The following SH3BGR variants were observed in gnomAD, a reference collection of about 807,000 sequenced individuals.
SH3BGR encodes SH3 domain binding glutamate rich protein.
Under a neutral mutation model 24.5 loss-of-function variants are expected in SH3BGR, and 29 were observed. The ratio of observed to expected loss-of-function variants is 1.18; its 90% CI spans 0.88 to 1.61. SH3BGR has a LOEUF of 1.61. Ranked by LOEUF, SH3BGR falls within the 40% of genes most tolerant of loss-of-function variation. The pLI, the probability that SH3BGR is intolerant of heterozygous loss-of-function variation, is 0.00. For synonymous variants in SH3BGR, 55 were observed against 65.7 expected, an observed-to-expected ratio of 0.84 and a Z score of 0.79; for missense variants, 162 against 205.8, an observed-to-expected ratio of 0.79 and a Z score of 1.30.
chr21:39,477,058 T>A (rs1223572532), intron 3 of SH3BGR, among the ~76,000 whole-genome samples: 1 of 152,208 alleles, frequency 6.6e-6, no homozygotes, highest in Non-Finnish European at 1.5e-5. Flanking sequence ...TTCCTTTTTT[T>A]ATAGCATTAG....
intron 3 of SH3BGR, among the ~76,000 whole-genome samples, chr21:39,493,329 C>T (rs2078336386): frequency 6.6e-6 from 1 of 152,192 alleles, no homozygotes; most frequent in African/African-American, 2.4e-5. Flanking sequence ...CATTCTCCTA[C>T]ATGTGGCTTG....
chr21:39,511,906 A>C lies in SH3BGR; in HGVS notation c.*34+97A>C. 2 of 1,145,076 alleles carry C rather than the reference A, an allele frequency of 1.7e-6. No homozygotes were observed. Among genetic ancestry groups the C allele is most frequent in the Non-Finnish European group, 2.4e-6 (2 of 836,864 alleles). 70.9% of individuals were successfully genotyped at this position (1,145,076 alleles called of 1,614,324 possible). Reference sequence around the variant, plus strand: ...TAGTAACAGGAGAAAGGGAATTCCAATTCAGGGCTGTCTGTCTCCTTCCAA... The same window carrying C: ...TAGTAACAGGAGAAAGGGAATTCCACTTCAGGGCTGTCTGTCTCCTTCCAA... On this transcript the variant is annotated intron_variant, in intron 6 of 6. Coordinates refer to ENST00000333634, the MANE Select transcript of SH3BGR (RefSeq NM_007341.3). This position sits in a 1 kb window ranked among gnomAD's most constrained non-coding sequence, Gnocchi z 4.2.
intron 4 of SH3BGR, among the ~76,000 whole-genome samples, chr21:39,505,054 C>T (rs2078559849): frequency 6.6e-6 from 1 of 152,174 alleles, no homozygotes; most frequent in African/African-American, 2.4e-5. Context: ...CTCAAGTGAT[C>T]CTCCCTCCTC....
chr21:39,499,113 A>G (rs8133292), intron 3 of SH3BGR, among the ~76,000 whole-genome samples: 79,290 of 151,922 alleles, frequency 0.52, 21,143 homozygotes, highest in East Asian at 0.68. Flanking sequence ...GGAGGAAACC[A>G]CCCCATGATT....
In SH3BGR at chr21:39,505,851, G is replaced by GC. The variant is rs1193613066; in HGVS notation, c.406-3141dup. On this transcript the variant is annotated intron_variant, in intron 4 of 6. Transcript: ENST00000333634. ...TTACATTCCTATAAGACTTCCTACT[G>GC]CCCCCCAGGCTAGCTCTACGGTTGA... 5.9e-5 allele frequency among the ~76,000 whole-genome samples: 9 copies of GC among 152,230 alleles called. No homozygotes were observed. In the East Asian group the frequency reaches 1.2e-3, roughly 20 times the overall value.
rs112633853 is a variant in SH3BGR, at chr21:39,511,850, G to A, written c.*34+41G>A. 5,519 of 1,549,060 alleles carry A rather than the reference G, an allele frequency of 3.6e-3. 14 individuals are homozygous for A. The highest frequency in any genetic ancestry group is 4.4e-3 in the Non-Finnish European group (5,087 of 1,150,402). Reference sequence around the variant, plus strand: ...TGGGGTGGAAAAGCTGCTAGTTACCGTACTGTATGCTATCTGCGGCACATT... The same window carrying A: ...TGGGGTGGAAAAGCTGCTAGTTACCATACTGTATGCTATCTGCGGCACATT... On this transcript the variant is annotated intron_variant, in intron 6 of 6. Coordinates refer to ENST00000333634, the MANE Select transcript of SH3BGR (RefSeq NM_007341.3). The surrounding 1 kb of genome is among the most constrained non-coding windows in gnomAD (Gnocchi z 4.2).
chr21:39,463,056 A>G (rs528898366), intron 2 of SH3BGR, among the ~76,000 whole-genome samples: 1 of 152,176 alleles, frequency 6.6e-6, no homozygotes, highest in South Asian at 2.1e-4. Context: ...GCTAATTTCT[A>G]AATTTTTTGT....
chr21:39,510,173 A>C (rs991913213), intron 5 of SH3BGR, among the ~76,000 whole-genome samples: 1 of 124,416 alleles, frequency 8.0e-6, no homozygotes, highest in African/African-American at 3.6e-5. Context: ...CGATCTCCTG[A>C]CCTTGTGATC....
intron 3 of SH3BGR, 59 bp from the exon 4 acceptor site, chr21:39,499,764 G>GTTTTTTTTTTT: frequency 9.6e-7 from 1 of 1,041,766 alleles, no homozygotes; most frequent in Non-Finnish European, 1.4e-6. Flanking sequence ...TATGTGGCCT[G>GTTTTTTTTTTT]TTTTTTTTTT....
At chr21:39,449,771 A>G (rs903627172), upstream of SH3BGR, among the ~76,000 whole-genome samples, 10 of 152,206 alleles carry the variant, frequency 6.6e-5, no homozygotes, top group Non-Finnish European at 1.3e-4. Flanking sequence ...TATTCCCATC[A>G]TCTCTAGTTC....
intron 1 of SH3BGR, 122 bp downstream of exon 1, chr21:39,452,263 GTA>G (rs2077587351): frequency 2.7e-6 from 3 of 1,115,518 alleles, no homozygotes; most frequent in Non-Finnish European, 4.0e-6. Flanking sequence ...TCTGCAATAA[GTA>G]TGTGCGCCCT....
chr21:39,482,808 T>C (rs1219701668), intron 3 of SH3BGR, among the ~76,000 whole-genome samples: 1 of 152,162 alleles, frequency 6.6e-6, no homozygotes, highest in African/African-American at 2.4e-5. Flanking sequence ...TAGCTGGGGT[T>C]ACCCGTGCCC....
intron 1 of SH3BGR, among the ~76,000 whole-genome samples, chr21:39,458,499 A>G (rs2077701383): frequency 1.3e-5 from 2 of 151,620 alleles, no homozygotes; most frequent in South Asian, 4.2e-4. Context: ...CACCACACCC[A>G]GCTAATTTTT....
chr21:39,457,407 T>C (rs1000511092), intron 1 of SH3BGR, among the ~76,000 whole-genome samples: 3 of 143,762 alleles, frequency 2.1e-5, no homozygotes, highest in African/African-American at 5.0e-5. Flanking sequence ...ATATAAATCT[T>C]ATATATAAGA....
chr21:39,446,645 A>G (rs543125672), intron 1 of SH3BGR, among the ~76,000 whole-genome samples: 43 of 152,316 alleles, frequency 2.8e-4, no homozygotes, highest in African/African-American at 9.4e-4. Context: ...TAGTAGGAAG[A>G]ATAGACTTTT....
chr21:39,488,410 C>A, intron 3 of SH3BGR: 1 of 229,432 alleles, frequency 4.4e-6, no homozygotes. Context: ...AAGGCCCTTA[C>A]AGCCAGTATG....
At chr21:39,465,545 T>C (rs914502221) in intron 2 of SH3BGR, among the ~76,000 whole-genome samples, 1 of 152,202 alleles carries the variant, frequency 6.6e-6, no homozygotes, top group African/African-American at 2.4e-5. Flanking sequence ...TTTTCTTGAC[T>C]TAATAACTGC....
upstream of SH3BGR, among the ~76,000 whole-genome samples, chr21:39,451,638 G>A (rs1394668373): frequency 6.6e-6 from 1 of 152,274 alleles, no homozygotes; most frequent in African/African-American, 2.4e-5. Flanking sequence ...GACTGAGGTG[G>A]TGTTTTCTGG....
chr21:39,483,298 T>C (rs536186512), intron 3 of SH3BGR, among the ~76,000 whole-genome samples: 5 of 152,280 alleles, frequency 3.3e-5, no homozygotes, highest in African/African-American at 1.2e-4. Context: ...GCAACAAAAA[T>C]AAAATAAAAT....
Sources: allele counts gnomAD v4.1 joint callset (sites outside exome capture counted in the v4.1 genomes callset), GRCh38; gene constraint gnomAD v4.1.1; non-coding constraint Gnocchi (gnomAD v3.1); transcripts MANE v1.5; gene names NCBI Gene and HGNC (gene_info 2026-07-23, HGNC 2026-07-21).